The following NRP2 variants were observed in gnomAD, a reference collection of about 807,000 sequenced individuals.
NRP2 encodes the protein neuropilin 2.
NRP2 carries 52 observed loss-of-function variants against 110.4 expected under a neutral mutation model. That is an observed-to-expected ratio of 0.47 (90% CI 0.38 to 0.59). NRP2 has a LOEUF of 0.59. NRP2 is among the 20% of genes least tolerant of loss of function. NRP2 has a pLI of 0.00. For missense variants in NRP2, 1,049 were observed against 1,203.0 expected, an observed-to-expected ratio of 0.87 and a Z score of 1.89; for synonymous variants, 508 against 468.9, an observed-to-expected ratio of 1.08 and a Z score of -1.08.
chr2:205,763,923 A>G lies in NRP2; in HGVS notation c.2294A>G (p.Asp765Gly). The change falls in exon 13 of 17, where the codon GAC becomes GGC. Residue 765 changes from aspartate (D) to glycine (G), a missense_variant. Asp to Gly is a moderately conservative substitution (Grantham distance 94). Coordinates refer to ENST00000357785, the MANE Select transcript of NRP2 (RefSeq NM_003872.3). This position sits in a 1 kb window ranked among gnomAD's most constrained non-coding sequence, Gnocchi z 4.0. ...KHGRIILPSY[D>G]MEYQIVFEGV... ...GGGCGGATCATCCTGCCCAGCTACG[A>G]CATGGAGTACCAGGTGGGGTGAGCA... 1.2e-6 allele frequency: 2 copies of G among 1,614,090 alleles called. No individual in the cohort carries two copies. The highest frequency in any genetic ancestry group is 1.7e-6 in the Non-Finnish European group (2 of 1,179,966).
intron 3 of NRP2, among the ~76,000 whole-genome samples, chr2:205,719,039 G>T (rs1405744533): frequency 1.3e-5 from 2 of 152,060 alleles, no homozygotes; most frequent in Non-Finnish European, 1.5e-5. Flanking sequence ...ATTCATGCAG[G>T]TGCCTTGTCC....
chr2:205,727,978 T>A lies in NRP2; in HGVS notation c.1078T>A (p.Ser360Thr), dbSNP rs749560928. 2 of 1,614,050 alleles carry A rather than the reference T, an allele frequency of 1.2e-6. No homozygotes were observed. The highest frequency in any genetic ancestry group is 3.3e-5 in the Admixed American group (2 of 60,026). ...AACACAGAATGGCTACTATGTCAAA[T>A]CCTACAAGCTGGAAGTCAGCACTAA... ...RETQNGYYVK[S>T]YKLEVSTNGE... The change falls in exon 7 of 17, where the codon TCC (serine) becomes ACC (threonine). Residue 360 changes from serine to threonine, a missense_variant. By Grantham distance (58) the Ser-to-Thr change is moderately conservative. Transcript: ENST00000357785.
At chr2:205,721,878 G>C (rs775100534) in intron 3 of NRP2, among the ~76,000 whole-genome samples, 1 of 152,144 alleles carries the variant, frequency 6.6e-6, no homozygotes, top group East Asian at 1.9e-4. Flanking sequence ...AGAGCAGCTC[G>C]TTTTAATATA....
At chr2:205,747,323 C>T (rs1418004587) in intron 10 of NRP2, among the ~76,000 whole-genome samples, 1 of 152,188 alleles carries the variant, frequency 6.6e-6, no homozygotes, top group African/African-American at 2.4e-5. Flanking sequence ...TGCATAACCT[C>T]AGAAAAGTTA....
chr2:205,735,585 T>G (rs2057328724), intron 7 of NRP2, among the ~76,000 whole-genome samples: 1 of 103,642 alleles, frequency 9.6e-6, no homozygotes, highest in African/African-American at 3.7e-5. Flanking sequence ...CTCACAGGAA[T>G]GGTCAAAATG....
intron 2 of NRP2, among the ~76,000 whole-genome samples, chr2:205,699,119 G>A (rs2056499723): frequency 6.6e-6 from 1 of 152,222 alleles, no homozygotes; most frequent in South Asian, 2.1e-4. Flanking sequence ...ATAAGATGAA[G>A]TTTCTAATCC....
At chr2:205,760,798 C>T (rs1299648713) in intron 12 of NRP2, 1 of 152,130 alleles carries the variant, frequency 6.6e-6, no homozygotes, top group Non-Finnish European at 1.5e-5. Flanking sequence ...TTTCACTTAC[C>T]AAATTCTAAC....
chr2:205,726,153 T>C, intron 6 of NRP2, 71 bp downstream of exon 6: 1 of 1,480,566 alleles, frequency 6.8e-7, no homozygotes, highest in Admixed American at 1.7e-5. Context: ...GCTCCTCAAA[T>C]ACAGTAGGCA....
At chr2:205,732,830 G>A (rs2057266438) in intron 7 of NRP2, among the ~76,000 whole-genome samples, 1 of 152,148 alleles carries the variant, frequency 6.6e-6, no homozygotes, top group Non-Finnish European at 1.5e-5. Flanking sequence ...TCTTAGGGAT[G>A]CAATTATGCT....
rs1325810018 is a variant in NRP2 at position 205,686,573 on chromosome 2, C to T, written c.73+3210C>T. Among the ~76,000 whole-genome samples the T allele has an allele frequency of 6.6e-6, 1 of 152,258 alleles. No individual in the cohort carries two copies. The highest frequency in any genetic ancestry group is 1.9e-4 in the East Asian group (1 of 5,174). On this transcript the variant is annotated intron_variant, in intron 1 of 16. Coordinates refer to ENST00000357785, the MANE Select transcript of NRP2 (RefSeq NM_003872.3). This position sits in a 1 kb window ranked among gnomAD's most constrained non-coding sequence, Gnocchi z 4.7. Reference sequence around the variant, plus strand: ...TTCCCACCGGGTCGCAGGCGTCCAGCGGCTGGGTGGCGGGCGCCGGTAGCC... The same window carrying T: ...TTCCCACCGGGTCGCAGGCGTCCAGTGGCTGGGTGGCGGGCGCCGGTAGCC...
chr2:205,781,916 G>T (rs948339237), intron 15 of NRP2, among the ~76,000 whole-genome samples: 7 of 152,106 alleles, frequency 4.6e-5, no homozygotes, highest in African/African-American at 1.7e-4. Flanking sequence ...ATGTATAGAG[G>T]TCAGATACAA....
At chr2:205,752,719 C>T in intron 11 of NRP2, 116 bp from the exon 12 acceptor site, 1 of 1,089,448 alleles carries the variant, frequency 9.2e-7, no homozygotes, top group Non-Finnish European at 1.4e-6. Context: ...CAAAGGAAGC[C>T]ACTTCTTTCT....
At chr2:205,752,444 G>A (rs933069148) in intron 11 of NRP2, 4 of 321,274 alleles carry the variant, frequency 1.2e-5, no homozygotes, top group African/African-American at 2.2e-5. Context: ...CAGGAGATGA[G>A]ATAATACTTT....
chr2:205,772,168 C>G (rs971714914), intron 15 of NRP2, among the ~76,000 whole-genome samples: 7 of 152,216 alleles, frequency 4.6e-5, no homozygotes, highest in African/African-American at 1.7e-4. Flanking sequence ...TCAGGTCTCC[C>G]TTTGGAGGGT....
At chr2:205,723,299 A>T (rs997665412) in intron 4 of NRP2, among the ~76,000 whole-genome samples, 2 of 152,248 alleles carry the variant, frequency 1.3e-5, no homozygotes, top group African/African-American at 4.8e-5. Context: ...AGAGGAACAA[A>T]TCTTTCACTT....
intron 1 of NRP2, among the ~76,000 whole-genome samples, chr2:205,684,384 T>C (rs906890925): frequency 1.4e-4 from 22 of 152,182 alleles, no homozygotes; most frequent in Admixed American, 2.6e-4. Context: ...AAACCATCTA[T>C]GGAGGAAATG....
chr2:205,734,406 C>CG (rs150472333), intron 7 of NRP2, among the ~76,000 whole-genome samples: 2,426 of 149,960 alleles, frequency 0.016, 74 homozygotes, highest in African/African-American at 0.057. Context: ...ACCGCCCCCC[C>CG]CCACCCCGCA....
intron 8 of NRP2, among the ~76,000 whole-genome samples, chr2:205,742,292 G>A (rs145200349): frequency 4.6e-5 from 7 of 152,216 alleles, no homozygotes; most frequent in Admixed American, 3.9e-4. Context: ...CATCTGATGT[G>A]CCAGGCACAC....
chr2:205,765,647 A>G (rs1001113353), intron 14 of NRP2, 77 bp downstream of exon 14: 18 of 1,256,226 alleles, frequency 1.4e-5, no homozygotes, highest in Non-Finnish European at 2.1e-5. Flanking sequence ...GAGGCAGGAC[A>G]CCATTTTCCA....
Sources: allele counts gnomAD v4.1 joint callset (sites outside exome capture counted in the v4.1 genomes callset), GRCh38; gene constraint gnomAD v4.1.1; non-coding constraint Gnocchi (gnomAD v3.1); transcripts MANE v1.5; gene names NCBI Gene and HGNC (gene_info 2026-07-23, HGNC 2026-07-21).